Variants in CNTNAP5 observed in about 807,000 individuals in gnomAD.
CNTNAP5 encodes contactin associated protein family member 5.
CNTNAP5 carries 72 observed loss-of-function variants against 150.2 expected under a neutral mutation model. That is an observed-to-expected ratio of 0.48 (90% CI 0.40 to 0.58). The LOEUF (loss-of-function observed/expected upper bound fraction) is 0.58, where lower values mean the gene tolerates loss of function less well. Among genes scored for constraint, CNTNAP5 ranks in the 20% least tolerant of loss-of-function variants. The probability of loss-of-function intolerance (pLI) is 0.00; values close to 1 mark genes in which losing one functional copy is unlikely to be tolerated. For synonymous variants in CNTNAP5, 672 were observed against 619.8 expected (o/e 1.08, Z -1.25); for missense variants, 1,636 against 1,626.2 (o/e 1.01, Z -0.10).
chr2:124,835,500 G>T (rs1474010095), intron 19 of CNTNAP5, among the ~76,000 whole-genome samples: 1 of 152,164 alleles, frequency 6.6e-6, no homozygotes, highest in Non-Finnish European at 1.5e-5. Context: ...AGGGGCAGTT[G>T]CTTGGAAGTT....
chr2:124,348,803 A>G (rs1486606910), intron 3 of CNTNAP5, among the ~76,000 whole-genome samples: 1 of 152,148 alleles, frequency 6.6e-6, no homozygotes, highest in Non-Finnish European at 1.5e-5. Context: ...AAATAGTGTT[A>G]TAGAATCACA....
intron 1 of CNTNAP5, among the ~76,000 whole-genome samples, chr2:124,171,172 G>A (rs983127860): frequency 2.0e-5 from 3 of 152,160 alleles, no homozygotes; most frequent in African/African-American, 4.8e-5. Context: ...GGCTTTCATC[G>A]AGTAATTTCA....
intron 13 of CNTNAP5, among the ~76,000 whole-genome samples, chr2:124,649,065 C>A (rs1000311584): frequency 2.0e-5 from 3 of 152,176 alleles, no homozygotes; most frequent in African/African-American, 7.2e-5. Context: ...CACCAAAAAT[C>A]TTTCCAAAGA....
intron 3 of CNTNAP5, among the ~76,000 whole-genome samples, chr2:124,309,027 G>A (rs1052801276): frequency 6.6e-6 from 1 of 152,148 alleles, no homozygotes; most frequent in African/African-American, 2.4e-5. Context: ...AAACTCAGAT[G>A]AGACCAAACC....
In CNTNAP5 at chr2:124,232,591, CCTT is replaced by C. The variant is rs1174718456; in HGVS notation, c.188-9605_188-9603del. Among the ~76,000 whole-genome samples, 5 of 152,128 alleles carry C rather than the reference CCTT, an allele frequency of 3.3e-5. No individual in the cohort carries two copies. In the East Asian group the frequency reaches 9.6e-4, roughly 29 times the overall value. On this transcript the variant is annotated intron_variant, in intron 2 of 23. Coordinates refer to ENST00000682447, the MANE Select transcript of CNTNAP5 (RefSeq NM_001367498.1). The stretch of plus-strand genomic sequence containing the variant: ...TCTCCAGATTTTCAATTTGAAGACT[CCTT>C]CTTTCATGGTGACCCCCTCCTCATT...
rs533020357 is a variant in CNTNAP5 at position 124,344,096 on chromosome 2, A to C, written c.382-73347A>C. Among the ~76,000 whole-genome samples, 5 of 152,270 alleles carry C rather than the reference A, an allele frequency of 3.3e-5. No individual in the cohort carries two copies. The East Asian group carries it at 9.7e-4, about 29-fold the overall frequency. ...AGCCCTCATGGTCCAAGCACCACCC[A>C]TTAGTCCCCACCTCCCAATGCAAAC... is the stretch of plus-strand genomic sequence containing the variant. On this transcript the variant is annotated intron_variant, in intron 3 of 23. Transcript: ENST00000682447.
intron 19 of CNTNAP5, among the ~76,000 whole-genome samples, chr2:124,836,833 C>T (rs568365539): frequency 1.3e-4 from 20 of 152,230 alleles, no homozygotes; most frequent in Non-Finnish European, 2.5e-4. Flanking sequence ...TAATTATACA[C>T]ATACCTCGTG....
intron 3 of CNTNAP5, among the ~76,000 whole-genome samples, chr2:124,264,789 T>C (rs1351428740): frequency 1.3e-5 from 2 of 152,184 alleles, no homozygotes; most frequent in Admixed American, 1.3e-4. Context: ...GCTCTGGTCA[T>C]TCCTGATATT....
chr2:124,106,274 A>G (rs1352075559), intron 1 of CNTNAP5, among the ~76,000 whole-genome samples: 2 of 152,162 alleles, frequency 1.3e-5, no homozygotes, highest in South Asian at 2.1e-4. Context: ...AGTCCTTAGA[A>G]TCTGCAGAGT....
At chr2:124,859,304 A>G (rs570681364) in intron 19 of CNTNAP5, among the ~76,000 whole-genome samples, 170 of 152,334 alleles carry the variant, frequency 1.1e-3, no homozygotes, top group Non-Finnish European at 2.0e-3. Context: ...AAACACATGA[A>G]AAAATGCTCA....
chr2:124,853,471 G>T (rs1365312738), intron 19 of CNTNAP5, among the ~76,000 whole-genome samples: 4 of 152,154 alleles, frequency 2.6e-5, no homozygotes, highest in African/African-American at 9.7e-5. Context: ...GCAAATGGCT[G>T]CTAAGGTTCT....
intron 1 of CNTNAP5, among the ~76,000 whole-genome samples, chr2:124,209,761 G>A (rs1685959803): frequency 6.6e-6 from 1 of 152,074 alleles, no homozygotes; most frequent in Non-Finnish European, 1.5e-5. Flanking sequence ...ATAAACACCT[G>A]TCACCGAGCT....
chr2:124,415,701 A>C (rs898845634), intron 3 of CNTNAP5, among the ~76,000 whole-genome samples: 2 of 152,208 alleles, frequency 1.3e-5, no homozygotes, highest in Non-Finnish European at 2.9e-5. Context: ...ATGCTAGCTG[A>C]CATCCCATCT....
intron 3 of CNTNAP5, among the ~76,000 whole-genome samples, chr2:124,364,999 A>ACTATTGGC (rs1332460401): frequency 6.6e-6 from 1 of 152,122 alleles, no homozygotes; most frequent in Admixed American, 6.6e-5. Flanking sequence ...TCACTAAAAA[A>ACTATTGGC]CTATTGGCCA....
intron 21 of CNTNAP5, among the ~76,000 whole-genome samples, chr2:124,883,782 G>T (rs1184514700): frequency 1.3e-5 from 2 of 152,060 alleles, no homozygotes; most frequent in Non-Finnish European, 2.9e-5. Flanking sequence ...ATGTCCATGT[G>T]TCCACATGCA....
intron 19 of CNTNAP5, among the ~76,000 whole-genome samples, chr2:124,826,961 C>T (rs1682608378): frequency 6.6e-6 from 1 of 152,078 alleles, no homozygotes; most frequent in Non-Finnish European, 1.5e-5. Context: ...TGTTCTGCCA[C>T]CCAGGCTGGA....
At chr2:124,211,300 A>T (rs74748962) in intron 1 of CNTNAP5, among the ~76,000 whole-genome samples, 3,514 of 152,294 alleles carry the variant, frequency 0.023, 137 homozygotes, top group African/African-American at 0.078. Flanking sequence ...ACTTAAATTC[A>T]TCTATTTATC....
intron 3 of CNTNAP5, among the ~76,000 whole-genome samples, chr2:124,339,074 C>T (rs1437656997): frequency 6.6e-6 from 1 of 152,098 alleles, no homozygotes. Context: ...TTGCTGAGTG[C>T]CTTATGTTTT....
intron 1 of CNTNAP5, among the ~76,000 whole-genome samples, chr2:124,195,951 G>T (rs1335962183): frequency 6.6e-6 from 1 of 152,108 alleles, no homozygotes; most frequent in Non-Finnish European, 1.5e-5. Context: ...AGTATGAAGC[G>T]CGGGCCTCTG....
Sources: gnomAD v4.1 joint callset for allele counts (sites outside exome capture counted in the v4.1 genomes callset) on GRCh38, gnomAD v4.1.1 for gene constraint, MANE v1.5 for transcripts, NCBI Gene and HGNC (gene_info 2026-07-23, HGNC 2026-07-21) for gene names.